PTPRE: variants seen among roughly 807,000 people sequenced by gnomAD.
The protein encoded by PTPRE is receptor-type tyrosine-protein phosphatase epsilon.
A neutral mutation model predicts 102.0 loss-of-function variants in PTPRE; 51 were observed. The observed-to-expected ratio is 0.50, with a 90% CI of 0.40 to 0.63. PTPRE has a LOEUF of 0.63. PTPRE is among the 30% of genes least tolerant of loss of function. PTPRE has a pLI of 0.00. For missense variants in PTPRE, 752 were observed against 915.1 expected, an observed-to-expected ratio of 0.82 and a Z score of 2.30; for synonymous variants, 345 against 348.2, an observed-to-expected ratio of 0.99 and a Z score of 0.10.
intron 17 of PTPRE, among the ~76,000 whole-genome samples, chr10:128,075,228 G>A (rs1052531557): frequency 2.6e-5 from 4 of 152,138 alleles, no homozygotes; most frequent in African/African-American, 7.2e-5. Flanking sequence ...CTCCTGTCAT[G>A]GGCACTTGAG....
chr10:127,971,236 C>T (rs1180518780), intron 1 of PTPRE, among the ~76,000 whole-genome samples: 1 of 152,234 alleles, frequency 6.6e-6, no homozygotes, highest in Non-Finnish European at 1.5e-5. Context: ...AAATGGTTCA[C>T]TTCAAACATT....
intron 1 of PTPRE, among the ~76,000 whole-genome samples, chr10:127,917,167 G>A (rs1846267278): frequency 6.6e-6 from 1 of 151,528 alleles, no homozygotes; most frequent in Non-Finnish European, 1.5e-5. Context: ...GTGACTGGAT[G>A]CATCCGGACC....
At chr10:127,968,257 G>C (rs1850417300) in intron 1 of PTPRE, among the ~76,000 whole-genome samples, 1 of 152,204 alleles carries the variant, frequency 6.6e-6, no homozygotes, top group African/African-American at 2.4e-5. Context: ...TGCACTCCAG[G>C]CTTGAGTAAA....
rs952183458 is a variant in PTPRE at position 128,069,517 on chromosome 10, T to A, written c.1008-175T>A. ...TGGCTATCAGAGGACCGGCCTGAGA[T>A]CACTTTACTGAGACCACAGCTCCCT... On this transcript the variant is annotated intron_variant, in intron 12 of 20. Transcript: ENST00000254667. The A allele has an allele frequency of 7.7e-6, 6 of 780,168 alleles. No individual in the cohort carries two copies. In the African/African-American group the frequency reaches 1.0e-4, roughly 14 times the overall value. The allele number at this position is 780,168 out of a possible 1,614,324, so 48.3% of individuals were successfully genotyped here.
intron 2 of PTPRE, among the ~76,000 whole-genome samples, chr10:128,010,137 A>G (rs1377322043): frequency 6.6e-6 from 1 of 152,190 alleles, no homozygotes; most frequent in Non-Finnish European, 1.5e-5. Flanking sequence ...GCTGGCCGTA[A>G]ACCAGGCCGA....
intron 3 of PTPRE, among the ~76,000 whole-genome samples, chr10:128,044,954 A>C (rs1847972032): frequency 6.6e-6 from 1 of 152,270 alleles, no homozygotes; most frequent in South Asian, 2.1e-4. Context: ...AGAACTAGGC[A>C]CTGTGGGCAC....
intron 1 of PTPRE, among the ~76,000 whole-genome samples, chr10:127,913,283 T>C (rs1310527558): frequency 6.6e-6 from 1 of 152,234 alleles, no homozygotes. Flanking sequence ...ACAGTCGCTT[T>C]GTCCTCAAGG....
intron 2 of PTPRE, among the ~76,000 whole-genome samples, chr10:128,015,784 C>G (rs918060609): frequency 6.6e-6 from 1 of 152,114 alleles, no homozygotes; most frequent in Non-Finnish European, 1.5e-5. Context: ...GCACTGCAAC[C>G]TGGGGGACAG....
intron 2 of PTPRE, 126 bp downstream of exon 2, chr10:127,982,422 A>G (rs980623572): frequency 1.5e-6 from 1 of 646,980 alleles, no homozygotes; most frequent in Non-Finnish European, 2.2e-6. Flanking sequence ...TCAGTGTGTT[A>G]TATTTGAATT....
chr10:128,045,172 G>A (rs1042266190), intron 3 of PTPRE, among the ~76,000 whole-genome samples: 3 of 152,264 alleles, frequency 2.0e-5, no homozygotes, highest in African/African-American at 4.8e-5. Flanking sequence ...GAACAGAGCT[G>A]GGGAAGCCAC....
chr10:127,950,728 G>C (rs1848952249), intron 1 of PTPRE, among the ~76,000 whole-genome samples: 1 of 152,218 alleles, frequency 6.6e-6, no homozygotes, highest in Non-Finnish European at 1.5e-5. Flanking sequence ...GTAAGGTACA[G>C]CAGAGCAAAG....
chr10:128,068,244 C>G lies in PTPRE; in HGVS notation c.965C>G (p.Thr322Arg). The change falls in exon 12 of 21, where the codon ACG becomes AGG. Residue 322 changes from threonine (T) to arginine (R), a missense_variant. Physicochemically the swap from Thr to Arg is moderately conservative, Grantham distance 71 (BLOSUM62 -1). Coordinates refer to ENST00000254667, the MANE Select transcript of PTPRE (RefSeq NM_006504.6). The stretch of plus-strand genomic sequence containing the variant: ...CTGAAGTTCCTCAAGAAAGTAAAGA[C>G]GCTCAACCCCGTGCACGCTGGGCCC... ...GMLKFLKKVKTLNPVHAGPIV... is the reference protein window; with the variant it reads ...GMLKFLKKVKRLNPVHAGPIV... 1 of 1,614,166 alleles carries G rather than the reference C, an allele frequency of 6.2e-7. No individual in the cohort carries two copies. The highest frequency in any genetic ancestry group is 8.5e-7 in the Non-Finnish European group (1 of 1,179,996).
intron 6 of PTPRE, among the ~76,000 whole-genome samples, chr10:128,050,358 T>C (rs201125019): frequency 2.8e-3 from 149 of 53,038 alleles, no homozygotes; most frequent in East Asian, 4.5e-3. Context: ...GATGGATGGA[T>C]GGATGGATGG....
At position 128,085,676 on chromosome 10, in the gene PTPRE, G is replaced by A. The variant is rs1852034240; in HGVS notation, c.*2770G>A. The A allele has an allele frequency of 6.6e-6, 1 of 152,422 alleles. No homozygotes were observed. The highest frequency in any genetic ancestry group is 2.4e-5 in the African/African-American group (1 of 41,330). 9.4% of individuals were successfully genotyped at this position (152,422 alleles called of 1,614,324 possible). ...TAACTAAGTTGTGTTTAACTTATGT[G>A]CAGTCTTTATAATGTATGTATGTTA... On this transcript the variant is annotated 3_prime_UTR_variant, in exon 21 of 21. Transcript: ENST00000254667.
In PTPRE at chr10:127,944,835, G is replaced by A. The variant is rs1168083576; in HGVS notation, c.-30-37439G>A. On this transcript the variant is annotated intron_variant, in intron 1 of 20. Transcript: ENST00000254667. This position sits in a 1 kb window ranked among gnomAD's most constrained non-coding sequence, Gnocchi z 4.2. Reference sequence around the variant, plus strand: ...AAATTAGGTAGGTGGCAATGAGATGGAGAGAGTGGGCAGATTCCACACATT... The same window carrying A: ...AAATTAGGTAGGTGGCAATGAGATGAAGAGAGTGGGCAGATTCCACACATT... Among the ~76,000 whole-genome samples the A allele has an allele frequency of 6.6e-6, 1 of 152,178 alleles. No individual in the cohort carries two copies. The highest frequency in any genetic ancestry group is 2.4e-5 in the African/African-American group (1 of 41,438).
intron 1 of PTPRE, among the ~76,000 whole-genome samples, chr10:127,968,821 G>A (rs1050938761): frequency 3.9e-5 from 6 of 152,212 alleles, no homozygotes; most frequent in African/African-American, 1.4e-4. Context: ...ATAAATGCCA[G>A]CTCCCTTTCC....
At chr10:127,924,278 T>A (rs757425705) in intron 1 of PTPRE, among the ~76,000 whole-genome samples, 8 of 152,186 alleles carry the variant, frequency 5.3e-5, no homozygotes, top group African/African-American at 1.7e-4. Flanking sequence ...CAGGCTGGAG[T>A]GCAATGGTGC....
intron 1 of PTPRE, among the ~76,000 whole-genome samples, chr10:127,968,469 T>C (rs914875831): frequency 2.6e-5 from 4 of 152,162 alleles, no homozygotes; most frequent in African/African-American, 9.7e-5. Flanking sequence ...ATCTGGCGAG[T>C]TCTGCCTCCA....
intron 1 of PTPRE, among the ~76,000 whole-genome samples, chr10:127,981,008 C>T (rs1483976612): frequency 2.0e-5 from 3 of 152,206 alleles, no homozygotes; most frequent in Admixed American, 2.0e-4. Flanking sequence ...ATCAATAATC[C>T]CAGTGTGAGG....
Sources: allele counts gnomAD v4.1 joint callset (sites outside exome capture counted in the v4.1 genomes callset), GRCh38; gene constraint gnomAD v4.1.1; non-coding constraint Gnocchi (gnomAD v3.1); transcripts MANE v1.5; gene names NCBI Gene and HGNC (gene_info 2026-07-23, HGNC 2026-07-21).